Variants in CNBD1 observed in about 807,000 individuals in gnomAD.
CNBD1 encodes cyclic nucleotide-binding domain-containing protein 1.
Under a neutral mutation model 54.4 loss-of-function variants are expected in CNBD1, and 71 were observed. That is an observed-to-expected ratio of 1.30 (90% CI 1.08 to 1.59). CNBD1 has a LOEUF of 1.59. Among genes scored for constraint, CNBD1 ranks in the 40% most tolerant of loss-of-function variants. CNBD1 has a pLI of 0.00. For missense variants in CNBD1, 659 were observed against 518.0 expected, an observed-to-expected ratio of 1.27 and a Z score of -2.64; for synonymous variants, 182 against 170.7, an observed-to-expected ratio of 1.07 and a Z score of -0.51.
intron 6 of CNBD1, 142 bp downstream of exon 6, chr8:87,237,254 A>G (rs1031541960): frequency 8.5e-6 from 4 of 472,864 alleles, no homozygotes; most frequent in Non-Finnish European, 1.5e-5. Flanking sequence ...TATAAATGAT[A>G]TTATTAATAC....
intron 4 of CNBD1, among the ~76,000 whole-genome samples, chr8:87,086,095 G>A (rs1405322377): frequency 6.6e-6 from 1 of 152,100 alleles, no homozygotes; most frequent in Non-Finnish European, 1.5e-5. Context: ...CTAAGTTCCT[G>A]GTGAGATCCC....
At chr8:87,092,517 A>ATATATATGTGTGTGTGTG (rs1811235359) in intron 4 of CNBD1, among the ~76,000 whole-genome samples, 1 of 127,340 alleles carries the variant, frequency 7.9e-6, no homozygotes, top group African/African-American at 3.6e-5. Context: ...GTGTGTGTGT[A>ATATATATGTGTGTGTGTG]TGTGTGTGTA....
intron 4 of CNBD1, among the ~76,000 whole-genome samples, chr8:87,012,592 G>A (rs936763080): frequency 6.6e-6 from 1 of 152,014 alleles, no homozygotes; most frequent in Non-Finnish European, 1.5e-5. Flanking sequence ...TCAACTAAGA[G>A]CCAGTCACCC....
At chr8:86,958,998 T>G (rs749626743) in intron 4 of CNBD1, among the ~76,000 whole-genome samples, 42 of 152,190 alleles carry the variant, frequency 2.8e-4, no homozygotes, top group Non-Finnish European at 5.4e-4. Flanking sequence ...GGTTGTTCTT[T>G]TCCATGTTTA....
chr8:87,295,756 C>A (rs1326428094), intron 8 of CNBD1, among the ~76,000 whole-genome samples: 1 of 152,084 alleles, frequency 6.6e-6, no homozygotes, highest in Non-Finnish European at 1.5e-5. Flanking sequence ...AGTTGGATTT[C>A]TCTTCACCTA....
chr8:87,369,997 A>T (rs896192444), intron 10 of CNBD1, among the ~76,000 whole-genome samples: 2 of 151,838 alleles, frequency 1.3e-5, no homozygotes, highest in Non-Finnish European at 2.9e-5. Flanking sequence ...TTGTCCCTGC[A>T]ATAGTTTACT....
chr8:87,068,871 C>T (rs561663255), intron 4 of CNBD1, among the ~76,000 whole-genome samples: 1 of 152,000 alleles, frequency 6.6e-6, no homozygotes, highest in Non-Finnish European at 1.5e-5. Context: ...GGAGGTAAAG[C>T]CTCAGAGCTC....
At chr8:87,097,910 G>A (rs968881327) in intron 4 of CNBD1, among the ~76,000 whole-genome samples, 1 of 152,070 alleles carries the variant, frequency 6.6e-6, no homozygotes, top group African/African-American at 2.4e-5. Context: ...TACAATCCTT[G>A]TAATGTTTTC....
chr8:87,179,048 C>T (rs1813257311), intron 4 of CNBD1, among the ~76,000 whole-genome samples: 3 of 152,112 alleles, frequency 2.0e-5, no homozygotes, highest in Admixed American at 6.5e-5. Flanking sequence ...GCAGCTGAGA[C>T]TACAGGTGCG....
intron 10 of CNBD1, among the ~76,000 whole-genome samples, chr8:87,369,497 T>C (rs998637919): frequency 2.0e-5 from 3 of 152,096 alleles, no homozygotes; most frequent in African/African-American, 4.8e-5. Flanking sequence ...AATCTGCAGG[T>C]GACAAGTTCT....
intron 4 of CNBD1, among the ~76,000 whole-genome samples, chr8:87,185,339 AT>A (rs754227904): frequency 2.9e-4 from 44 of 152,074 alleles, no homozygotes; most frequent in Non-Finnish European, 5.6e-4. Flanking sequence ...CTGCAGTTTT[AT>A]TAGTATTTAC....
chr8:87,253,990 G>A (rs1315242223), intron 6 of CNBD1, among the ~76,000 whole-genome samples: 1 of 152,176 alleles, frequency 6.6e-6, no homozygotes, highest in Admixed American at 6.5e-5. Flanking sequence ...TAAATTAGAG[G>A]AGAGAAAAAG....
chr8:86,967,957 A>G (rs892585742), intron 4 of CNBD1, among the ~76,000 whole-genome samples: 1 of 151,992 alleles, frequency 6.6e-6, no homozygotes, highest in African/African-American at 2.4e-5. Flanking sequence ...AGGGAGAAAG[A>G]AAGTGTTTTA....
chr8:86,949,965 T>G (rs1302379911), intron 4 of CNBD1, among the ~76,000 whole-genome samples: 7 of 130,304 alleles, frequency 5.4e-5, no homozygotes, highest in Non-Finnish European at 8.1e-5. Flanking sequence ...TTTTTTTTTT[T>G]TTTTTTTTTG....
intron 8 of CNBD1, among the ~76,000 whole-genome samples, chr8:87,314,653 A>G (rs2130893662): frequency 6.6e-6 from 1 of 152,154 alleles, no homozygotes; most frequent in South Asian, 2.1e-4. Flanking sequence ...ATCTATGGAA[A>G]GTCAATGACA....
At chr8:87,388,810 T>A (rs889369052) in intron 2 of CNBD1, among the ~76,000 whole-genome samples, 1 of 152,142 alleles carries the variant, frequency 6.6e-6, no homozygotes, top group African/African-American at 2.4e-5. Context: ...AAAGACAATT[T>A]TAGACCAATA....
chr8:87,324,719 G>A (rs7846142), intron 8 of CNBD1, among the ~76,000 whole-genome samples: 8,771 of 150,978 alleles, frequency 0.058, 812 homozygotes, highest in African/African-American at 0.2. Context: ...CTTGCTAGCG[G>A]TCTATCAATT....
At chr8:86,893,796 A>T (rs541621537) in intron 2 of CNBD1, among the ~76,000 whole-genome samples, 30 of 152,204 alleles carry the variant, frequency 2.0e-4, no homozygotes, top group Middle Eastern at 6.8e-3. Flanking sequence ...TCTTGCAGGC[A>T]TGTTTTGTTA....
At chr8:87,091,596 A>T (rs1473380586) in intron 4 of CNBD1, among the ~76,000 whole-genome samples, 1 of 152,190 alleles carries the variant, frequency 6.6e-6, no homozygotes, top group African/African-American at 2.4e-5. Flanking sequence ...CAGCAAACAA[A>T]TTCTCAGAAT....
Sources: gnomAD v4.1 joint callset for allele counts (sites outside exome capture counted in the v4.1 genomes callset) on GRCh38, gnomAD v4.1.1 for gene constraint, MANE v1.5 for transcripts, NCBI Gene and HGNC (gene_info 2026-07-23, HGNC 2026-07-21) for gene names.